The following USP49 variants were observed in gnomAD, a reference collection of about 807,000 sequenced individuals.
USP49 encodes the protein ubiquitin carboxyl-terminal hydrolase 49.
Under a neutral mutation model 58.6 loss-of-function variants are expected in USP49, and 24 were observed. The ratio of observed to expected loss-of-function variants is 0.41; its 90% CI spans 0.30 to 0.58. The LOEUF (loss-of-function observed/expected upper bound fraction) is 0.58, where lower values mean the gene tolerates loss of function less well. Ranked by LOEUF, USP49 falls within the 20% of genes least tolerant of loss-of-function variation. USP49 has a pLI of 0.30. For synonymous variants in USP49, 408 were observed against 365.1 expected (o/e 1.12, Z -1.34); for missense variants, 703 against 866.1 (o/e 0.81, Z 2.36).
chr6:41,887,124 A>G (rs1254846731), intron 2 of USP49: 2 of 152,268 alleles, frequency 1.3e-5, no homozygotes, highest in African/African-American at 4.8e-5. Flanking sequence ...AGGAAAGAGC[A>G]GGACACCAAT....
intron 3 of USP49, among the ~76,000 whole-genome samples, chr6:41,826,402 T>A (rs1773538122): frequency 6.6e-6 from 1 of 152,092 alleles, no homozygotes; most frequent in Non-Finnish European, 1.5e-5. Context: ...AAACAATAGA[T>A]CTCTAAGGGA....
chr6:41,798,675 A>G, intron 7 of USP49, 49 bp downstream of exon 7: 1 of 1,613,880 alleles, frequency 6.2e-7, no homozygotes, highest in South Asian at 1.1e-5. Flanking sequence ...AATGTGGACA[A>G]ATCAACCCCT....
At position 41,884,708 on chromosome 6, in the gene USP49, C is replaced by T. The variant is rs368448009; in HGVS notation, c.-103+7086G>A. On this transcript the variant is annotated intron_variant, in intron 2 of 7. Coordinates refer to ENST00000682992, the MANE Select transcript of USP49 (RefSeq NM_001286554.2). ...TTATTCCATAAAAACTTATTGAACA[C>T]CTCTTAAGTGCCAAGAACTCTGCTT... 5.9e-5 allele frequency among the ~76,000 whole-genome samples: 9 copies of T among 152,276 alleles called. No homozygotes were observed. In the South Asian group the frequency reaches 1.9e-3, roughly 32 times the overall value.
chr6:41,857,239 A>G (rs1268222765), intron 3 of USP49, among the ~76,000 whole-genome samples: 1 of 152,250 alleles, frequency 6.6e-6, no homozygotes, highest in Non-Finnish European at 1.5e-5. Flanking sequence ...CTACCTAAAA[A>G]ATAAAACTGG....
In USP49 at chr6:41,825,731, T is replaced by C. The variant is rs114420784; in HGVS notation, c.-28-18720A>G. Among the ~76,000 whole-genome samples the C allele has an allele frequency of 1.5e-3, 231 of 152,282 alleles. 1 individual carries two copies. Among genetic ancestry groups the C allele is most frequent in the African/African-American group, 5.4e-3 (223 of 41,562 alleles). On this transcript the variant is annotated intron_variant, in intron 3 of 7. Coordinates refer to ENST00000682992, the MANE Select transcript of USP49 (RefSeq NM_001286554.2). ...AACAAGGTGTTGTGTGAGCCTGATT[T>C]CTCAGTAAATTTTAAAATTATTTTT...
intron 3 of USP49, among the ~76,000 whole-genome samples, chr6:41,856,181 C>T (rs1561919487): frequency 6.6e-6 from 1 of 151,966 alleles, no homozygotes; most frequent in Admixed American, 6.6e-5. Context: ...AGACCATCCT[C>T]GCTAACATGG....
At chr6:41,857,601 A>G (rs1774152964) in intron 3 of USP49, among the ~76,000 whole-genome samples, 1 of 152,198 alleles carries the variant, frequency 6.6e-6, no homozygotes, top group Non-Finnish European at 1.5e-5. Flanking sequence ...ACTGCACTTT[A>G]GCCTGGGCAA....
chr6:41,871,731 TA>T (rs1407240981), intron 2 of USP49, 94 bp from the exon 3 acceptor site: 1 of 151,946 alleles, frequency 6.6e-6, no homozygotes, highest in Non-Finnish European at 1.5e-5. Context: ...AAAGGACCAG[TA>T]AATTACAATG....
chr6:41,881,747 T>C (rs1245095362), intron 2 of USP49, among the ~76,000 whole-genome samples: 1 of 152,164 alleles, frequency 6.6e-6, no homozygotes, highest in Non-Finnish European at 1.5e-5. Context: ...TTATACTTTA[T>C]GCTTCTGCAT....
At chr6:41,862,305 T>C (rs1774236950) in intron 3 of USP49, among the ~76,000 whole-genome samples, 2 of 152,342 alleles carry the variant, frequency 1.3e-5, no homozygotes, top group South Asian at 2.1e-4. Context: ...CCAGTAGTAT[T>C]TGAGAATGCA....
At chr6:41,813,488 A>G (rs950312717) in intron 3 of USP49, among the ~76,000 whole-genome samples, 7 of 152,254 alleles carry the variant, frequency 4.6e-5, no homozygotes, top group Admixed American at 2.6e-4. Context: ...ACCAAAAGCC[A>G]AAAGAGAAGA....
At chr6:41,813,021 T>C (rs955203498) in intron 3 of USP49, among the ~76,000 whole-genome samples, 36 of 152,208 alleles carry the variant, frequency 2.4e-4, no homozygotes, top group African/African-American at 8.4e-4. Context: ...TGTCCAGTAC[T>C]ATAGTAACTA....
intron 3 of USP49, among the ~76,000 whole-genome samples, chr6:41,823,658 G>C (rs1773488337): frequency 6.6e-6 from 1 of 152,054 alleles, no homozygotes; most frequent in Non-Finnish European, 1.5e-5. Context: ...TTCTTCCCCA[G>C]GGGCCACCAC....
At chr6:41,885,760 C>T (rs1283129835) in intron 2 of USP49, among the ~76,000 whole-genome samples, 2 of 152,216 alleles carry the variant, frequency 1.3e-5, no homozygotes, top group East Asian at 1.9e-4. Flanking sequence ...CATGCTACTG[C>T]ACTCCAGCCT....
At chr6:41,865,798 C>T (rs1774303808) in intron 3 of USP49, among the ~76,000 whole-genome samples, 1 of 118,726 alleles carries the variant, frequency 8.4e-6, no homozygotes, top group Non-Finnish European at 1.6e-5. Flanking sequence ...GCCACCATGC[C>T]TGGCCTTTTT....
intron 2 of USP49, among the ~76,000 whole-genome samples, chr6:41,884,181 A>T (rs979378285): frequency 6.6e-6 from 1 of 151,886 alleles, no homozygotes. Flanking sequence ...GCACCACCAC[A>T]CCCAGCTAAT....
chr6:41,857,426 C>A (rs377384587), intron 3 of USP49, among the ~76,000 whole-genome samples: 19 of 152,158 alleles, frequency 1.2e-4, no homozygotes, highest in African/African-American at 4.1e-4. Context: ...AGGTGCATCG[C>A]TTAAGCTCAG....
In USP49 at chr6:41,804,696, T is replaced by C. The variant is rs73733033; in HGVS notation, c.1357-686A>G. On this transcript the variant is annotated intron_variant, in intron 4 of 7. Transcript: ENST00000682992. Reference sequence around the variant, plus strand: ...ACCAAGACACATAGTGTAGAGGTTTTACCTGAAACTCTTAAGTTGCTCACC... The same window carrying C: ...ACCAAGACACATAGTGTAGAGGTTTCACCTGAAACTCTTAAGTTGCTCACC... 6.6e-3 allele frequency among the ~76,000 whole-genome samples: 1,001 copies of C among 152,294 alleles called. 13 individuals carry two copies. Among genetic ancestry groups the C allele is most frequent in the African/African-American group, 0.023 (950 of 41,568 alleles).
intron 3 of USP49, among the ~76,000 whole-genome samples, chr6:41,816,165 G>GAC (rs1773346787): frequency 1.3e-5 from 2 of 152,144 alleles, no homozygotes; most frequent in African/African-American, 4.8e-5. Context: ...AAGAGAGAGA[G>GAC]ACACACAGAC....
Sources: gnomAD v4.1 joint callset for allele counts (sites outside exome capture counted in the v4.1 genomes callset) on GRCh38, gnomAD v4.1.1 for gene constraint, MANE v1.5 for transcripts, NCBI Gene and HGNC (gene_info 2026-07-23, HGNC 2026-07-21) for gene names.